The following IMMP2L variants were observed in gnomAD, a reference collection of about 807,000 sequenced individuals.
The protein encoded by IMMP2L is mitochondrial inner membrane protease subunit 2.
A neutral mutation model predicts 19.3 loss-of-function variants in IMMP2L; 18 were observed. That is an observed-to-expected ratio of 0.93 (90% confidence interval 0.64 to 1.38). The LOEUF (loss-of-function observed/expected upper bound fraction) is 1.38, where lower values mean the gene tolerates loss of function less well. IMMP2L is among the 40% of genes most tolerant of loss of function. The pLI, the probability that IMMP2L is intolerant of heterozygous loss-of-function variation, is 0.00. For missense variants in IMMP2L, 233 were observed against 218.2 expected, an observed-to-expected ratio of 1.07 and a Z score of -0.43; for synonymous variants, 76 against 73.0, an observed-to-expected ratio of 1.04 and a Z score of -0.21.
At chr7:111,378,369 G>T (rs1830885174) in intron 3 of IMMP2L, among the ~76,000 whole-genome samples, 1 of 151,822 alleles carries the variant, frequency 6.6e-6, no homozygotes, top group Non-Finnish European at 1.5e-5. Flanking sequence ...TTTTATAATT[G>T]TCACAAATAT....
At chr7:111,222,730 G>A (rs944830750) in intron 3 of IMMP2L, among the ~76,000 whole-genome samples, 4 of 151,976 alleles carry the variant, frequency 2.6e-5, no homozygotes, top group Admixed American at 1.3e-4. Flanking sequence ...GAATGTATAA[G>A]TGTATAAAAT....
At chr7:110,780,405 A>C (rs1221155526) in intron 5 of IMMP2L, among the ~76,000 whole-genome samples, 2 of 151,774 alleles carry the variant, frequency 1.3e-5, no homozygotes, top group African/African-American at 2.4e-5. Context: ...TTACTTGAAA[A>C]TAAGATTTTC....
At chr7:110,778,987 A>T (rs1202612316) in intron 5 of IMMP2L, among the ~76,000 whole-genome samples, 1 of 151,994 alleles carries the variant, frequency 6.6e-6, no homozygotes, top group African/African-American at 2.4e-5. Context: ...CACCATGTAG[A>T]GTAGTAAAAT....
intron 5 of IMMP2L, among the ~76,000 whole-genome samples, chr7:110,669,529 C>T (rs992580456): frequency 1.3e-5 from 2 of 152,210 alleles, no homozygotes; most frequent in Non-Finnish European, 2.9e-5. Flanking sequence ...CAAGCTGACA[C>T]ATAAAATTCA....
At chr7:110,766,594 A>G (rs1438134535) in intron 5 of IMMP2L, among the ~76,000 whole-genome samples, 1 of 151,732 alleles carries the variant, frequency 6.6e-6, no homozygotes, top group Non-Finnish European at 1.5e-5. Context: ...AAAAAAAAAA[A>G]AAAAAAAAAA....
intron 5 of IMMP2L, among the ~76,000 whole-genome samples, chr7:110,798,911 A>T (rs1801053287): frequency 1.3e-5 from 2 of 151,998 alleles, no homozygotes; most frequent in African/African-American, 4.8e-5. Context: ...TGACATCAAT[A>T]GCCTCTTGCA....
intron 4 of IMMP2L, among the ~76,000 whole-genome samples, chr7:110,895,952 GCTGGGA>G (rs983623341): frequency 5.9e-5 from 9 of 151,796 alleles, no homozygotes; most frequent in Non-Finnish European, 1.3e-4. Context: ...ATCATGTTTT[GCTGGGA>G]CTACAGGTGT....
chr7:110,850,594 C>T (rs766665720), intron 5 of IMMP2L, among the ~76,000 whole-genome samples: 1 of 152,000 alleles, frequency 6.6e-6, no homozygotes, highest in Non-Finnish European at 1.5e-5. Flanking sequence ...ACCACTGGCT[C>T]GCCCTCATGC....
chr7:111,222,627 T>G (rs777889517), intron 3 of IMMP2L, among the ~76,000 whole-genome samples: 1 of 152,080 alleles, frequency 6.6e-6, no homozygotes, highest in East Asian at 1.9e-4. Context: ...GAGATGATAT[T>G]TGGATATATT....
chr7:111,016,834 A>ATATATTATATATAATATATACTC (rs1324372700), intron 3 of IMMP2L, among the ~76,000 whole-genome samples: 13 of 70,308 alleles, frequency 1.8e-4, no homozygotes, highest in Admixed American at 5.7e-4. Flanking sequence ...AATATATAGT[A>ATATATTATATATAATATATACTC]TATATTATAT....
intron 5 of IMMP2L, among the ~76,000 whole-genome samples, chr7:110,814,599 CT>C (rs1802319265): frequency 1.3e-5 from 2 of 150,118 alleles, no homozygotes; most frequent in African/African-American, 2.4e-5. Flanking sequence ...ATTTCTTTTT[CT>C]TTTTTTCTTC....
chr7:111,280,241 T>C (rs1394550558), intron 3 of IMMP2L, among the ~76,000 whole-genome samples: 1 of 152,144 alleles, frequency 6.6e-6, no homozygotes, highest in African/African-American at 2.4e-5. Flanking sequence ...CTCTTCCCTA[T>C]TCCCGGGACG....
At chr7:110,834,153 TA>T (rs1158176696) in intron 5 of IMMP2L, among the ~76,000 whole-genome samples, 1 of 152,206 alleles carries the variant, frequency 6.6e-6, no homozygotes, top group Non-Finnish European at 1.5e-5. Context: ...AATTTATTTT[TA>T]AAGCTTCTTC....
At chr7:111,498,759 G>C (rs1435636002) in intron 2 of IMMP2L, among the ~76,000 whole-genome samples, 9 of 151,904 alleles carry the variant, frequency 5.9e-5, no homozygotes. Context: ...CTTCATTGTT[G>C]AACCTGATGC....
At chr7:111,556,038 A>ATATATATATATATG (rs1491524536) in intron 1 of IMMP2L, among the ~76,000 whole-genome samples, 16 of 138,102 alleles carry the variant, frequency 1.2e-4, no homozygotes, top group African/African-American at 4.2e-4. Context: ...ATATATATAC[A>ATATATATATATATG]TACCCAAAGA....
chr7:111,048,687 G>A (rs920345014), intron 3 of IMMP2L, among the ~76,000 whole-genome samples: 2 of 152,122 alleles, frequency 1.3e-5, no homozygotes, highest in Non-Finnish European at 2.9e-5. Context: ...TCGTCAAGAG[G>A]TTGTGATTAT....
At chr7:111,268,747 C>A (rs1230872150) in intron 3 of IMMP2L, among the ~76,000 whole-genome samples, 1 of 151,364 alleles carries the variant, frequency 6.6e-6, no homozygotes, top group African/African-American at 2.4e-5. Flanking sequence ...GCGAGCACCA[C>A]CATGCCTGGC....
chr7:111,208,558 C>T (rs1442342339), intron 3 of IMMP2L, among the ~76,000 whole-genome samples: 1 of 152,108 alleles, frequency 6.6e-6, no homozygotes, highest in African/African-American at 2.4e-5. Flanking sequence ...AGCCTTCTTT[C>T]AGAGGTTCAC....
Position 110,850,792 on chromosome 7 carries a change from C to G in IMMP2L, c.408+35801G>C, listed in dbSNP as rs547507202. On this transcript the variant is annotated intron_variant, in intron 5 of 5. Transcript: ENST00000405709. The stretch of plus-strand genomic sequence containing the variant: ...TTTTATGTGCTGTTGGACAGAAGAG[C>G]TGACAAAAGTAATATAAAAGATTAA... Among the ~76,000 whole-genome samples, 5 of 151,294 alleles carry G rather than the reference C, an allele frequency of 3.3e-5. No homozygotes were observed. The East Asian group carries it at 9.7e-4, about 29-fold the overall frequency.
Sources: gnomAD v4.1 joint callset for allele counts (sites outside exome capture counted in the v4.1 genomes callset) on GRCh38, gnomAD v4.1.1 for gene constraint, MANE v1.5 for transcripts, NCBI Gene and HGNC (gene_info 2026-07-23, HGNC 2026-07-21) for gene names.